Variants in LRRTM4 observed in about 807,000 individuals in gnomAD.
LRRTM4 encodes the protein leucine-rich repeat transmembrane neuronal protein 4.
LRRTM4 carries 25 observed loss-of-function variants against 47.6 expected under a neutral mutation model. The observed-to-expected ratio is 0.53, with a 90% CI of 0.38 to 0.73. LRRTM4 has a LOEUF of 0.73. LRRTM4 is among the 30% of genes least tolerant of loss of function. The pLI is 0.00. For synonymous variants in LRRTM4, 311 were observed against 269.5 expected (o/e 1.15, Z -1.51); for missense variants, 638 against 713.4 (o/e 0.89, Z 1.20).
chr2:77,276,438 A>C (rs1676356100), intron 3 of LRRTM4, among the ~76,000 whole-genome samples: 1 of 150,782 alleles, frequency 6.6e-6, no homozygotes, highest in Non-Finnish European at 1.5e-5. Flanking sequence ...GAAAGGAAGA[A>C]AAAAGAAAGG....
intron 3 of LRRTM4, among the ~76,000 whole-genome samples, chr2:76,812,601 A>G (rs1411837215): frequency 6.6e-6 from 1 of 152,150 alleles, no homozygotes; most frequent in Non-Finnish European, 1.5e-5. Context: ...CAGTATAATT[A>G]TTGGCTTTAG....
intron 3 of LRRTM4, among the ~76,000 whole-genome samples, chr2:76,797,736 A>T (rs1402680526): frequency 6.6e-6 from 1 of 151,388 alleles, no homozygotes; most frequent in Non-Finnish European, 1.5e-5. Context: ...ACGTGCAGAG[A>T]CACACATAGG....
At chr2:76,941,541 A>T (rs1675142486) in intron 3 of LRRTM4, among the ~76,000 whole-genome samples, 1 of 145,394 alleles carries the variant, frequency 6.9e-6, no homozygotes, top group African/African-American at 2.6e-5. Flanking sequence ...TTCAACTCCC[A>T]CTTATGAGTG....
At chr2:77,061,729 A>G (rs1445813277) in intron 3 of LRRTM4, among the ~76,000 whole-genome samples, 1 of 152,166 alleles carries the variant, frequency 6.6e-6, no homozygotes, top group Non-Finnish European at 1.5e-5. Context: ...CCTACCACAT[A>G]ATGCCCATCC....
chr2:77,425,077 C>G (rs1675053301), intron 3 of LRRTM4, among the ~76,000 whole-genome samples: 2 of 152,164 alleles, frequency 1.3e-5, no homozygotes, highest in African/African-American at 4.8e-5. Flanking sequence ...CTAAATAAAA[C>G]TACACTCACA....
intron 3 of LRRTM4, among the ~76,000 whole-genome samples, chr2:77,237,646 C>T (rs960177264): frequency 1.3e-5 from 2 of 152,024 alleles, no homozygotes; most frequent in African/African-American, 2.4e-5. Context: ...GGTTCATCTC[C>T]GTGATCCTCC....
intron 3 of LRRTM4, among the ~76,000 whole-genome samples, chr2:77,150,454 T>G (rs1447026059): frequency 6.6e-6 from 1 of 151,806 alleles, no homozygotes; most frequent in African/African-American, 2.4e-5. Context: ...AGAATGGGAG[T>G]TCAACTAAGA....
chr2:77,456,843 T>C (rs1438875285), intron 3 of LRRTM4, among the ~76,000 whole-genome samples: 1 of 151,300 alleles, frequency 6.6e-6, no homozygotes, highest in African/African-American at 2.4e-5. Flanking sequence ...TAATTTTCTG[T>C]AACACCATCC....
At chr2:77,287,751 A>T (rs1676705014) in intron 3 of LRRTM4, among the ~76,000 whole-genome samples, 1 of 152,156 alleles carries the variant, frequency 6.6e-6, no homozygotes, top group Admixed American at 6.6e-5. Context: ...TGTTGTTATA[A>T]TTGTCCTATC....
intron 3 of LRRTM4, among the ~76,000 whole-genome samples, chr2:76,856,503 A>G (rs1672154961): frequency 1.3e-5 from 2 of 152,146 alleles, no homozygotes; most frequent in African/African-American, 4.8e-5. Flanking sequence ...ATAGACCTTA[A>G]TCTCAGATAT....
intron 3 of LRRTM4, among the ~76,000 whole-genome samples, chr2:76,818,136 T>C (rs1361587510): frequency 1.3e-5 from 2 of 151,908 alleles, no homozygotes; most frequent in African/African-American, 4.8e-5. Flanking sequence ...GTAATATACA[T>C]TTAAGCTGGT....
intron 3 of LRRTM4, among the ~76,000 whole-genome samples, chr2:77,149,779 T>C (rs1161476574): frequency 6.6e-6 from 1 of 152,102 alleles, no homozygotes. Context: ...GAGCACTGAG[T>C]GTCTACCTGT....
chr2:76,950,278 T>G (rs1008306930), intron 3 of LRRTM4, among the ~76,000 whole-genome samples: 1 of 151,916 alleles, frequency 6.6e-6, no homozygotes. Flanking sequence ...TATGGTAATG[T>G]TACATTTTAG....
intron 3 of LRRTM4, among the ~76,000 whole-genome samples, chr2:76,982,625 T>C (rs1011521878): frequency 6.6e-6 from 1 of 151,984 alleles, no homozygotes. Context: ...TGCTGCAGTG[T>C]GTGAGGAACC....
chr2:76,979,473 T>C (rs1388704970), intron 3 of LRRTM4, among the ~76,000 whole-genome samples: 2 of 146,328 alleles, frequency 1.4e-5, no homozygotes, highest in East Asian at 2.0e-4. Flanking sequence ...TTGTGATATG[T>C]CAGAGAGCAG....
intron 3 of LRRTM4, among the ~76,000 whole-genome samples, chr2:77,328,619 T>C (rs923083624): frequency 1.3e-5 from 2 of 152,110 alleles, no homozygotes; most frequent in Non-Finnish European, 2.9e-5. Context: ...AACTATAACT[T>C]CTCAAATATT....
intron 3 of LRRTM4, among the ~76,000 whole-genome samples, chr2:76,910,103 C>T (rs1483206126): frequency 6.6e-6 from 1 of 152,058 alleles, no homozygotes; most frequent in Non-Finnish European, 1.5e-5. Flanking sequence ...ACCCAAATGT[C>T]CAACAATGAT....
chr2:77,365,603 C>T (rs1672410870), intron 3 of LRRTM4, among the ~76,000 whole-genome samples: 1 of 151,492 alleles, frequency 6.6e-6, no homozygotes, highest in African/African-American at 2.4e-5. Flanking sequence ...CAAATATTAC[C>T]TGTTAATATA....
rs570728001 is a variant in LRRTM4, at chr2:76,905,461, T to A, written c.1552-156545A>T. Among the ~76,000 whole-genome samples, 19 of 152,222 alleles carry A rather than the reference T, an allele frequency of 1.2e-4. No individual in the cohort carries two copies. The East Asian group carries it at 2.1e-3, about 17-fold the overall frequency. ...AGAGCACCTCTCCTCCTCCAAAGGA[T>A]CGCAGTTCCTCACCAGCAATGGAAA... is the stretch of plus-strand genomic sequence containing the variant. On this transcript the variant is annotated intron_variant, in intron 3 of 3. Transcript: ENST00000409884.
Sources: allele counts gnomAD v4.1 joint callset (sites outside exome capture counted in the v4.1 genomes callset), GRCh38; gene constraint gnomAD v4.1.1; transcripts MANE v1.5; gene names NCBI Gene and HGNC (gene_info 2026-07-23, HGNC 2026-07-21).